PDLIM5: variants seen among roughly 807,000 people sequenced by gnomAD.
The protein encoded by PDLIM5 is PDZ and LIM domain protein 5.
In PDLIM5, 34 loss-of-function variants were observed where a neutral mutation model predicts 64.2. The observed-to-expected ratio is 0.53, with a 90% CI of 0.40 to 0.71. PDLIM5 has a LOEUF of 0.71. Among genes scored for constraint, PDLIM5 ranks in the 30% least tolerant of loss-of-function variants. PDLIM5 has a pLI of 0.00. For missense variants in PDLIM5, 683 were observed against 733.6 expected, an observed-to-expected ratio of 0.93 and a Z score of 0.80; for synonymous variants, 253 against 269.1, an observed-to-expected ratio of 0.94 and a Z score of 0.59.
chr4:94,591,383 A>G (rs1736662626), intron 7 of PDLIM5, among the ~76,000 whole-genome samples: 1 of 152,216 alleles, frequency 6.6e-6, no homozygotes, highest in Non-Finnish European at 1.5e-5. Flanking sequence ...TCTGTCCCCA[A>G]GTTTCCACTT....
intron 3 of PDLIM5, among the ~76,000 whole-genome samples, chr4:94,538,291 G>A (rs1355727689): frequency 3.3e-5 from 3 of 90,732 alleles, no homozygotes; most frequent in African/African-American, 1.5e-4. Context: ...TTAAGTTTGA[G>A]TATTGAGAAC....
chr4:94,499,069 A>G (rs1727663722), intron 2 of PDLIM5, among the ~76,000 whole-genome samples: 1 of 152,168 alleles, frequency 6.6e-6, no homozygotes, highest in Non-Finnish European at 1.5e-5. Flanking sequence ...GAGAACTTGA[A>G]CACTTTCAAA....
At chr4:94,583,870 C>T (rs1735946268) in intron 5 of PDLIM5, among the ~76,000 whole-genome samples, 1 of 152,154 alleles carries the variant, frequency 6.6e-6, no homozygotes, top group Non-Finnish European at 1.5e-5. Context: ...AAGCACTTTA[C>T]ATACATTATC....
chr4:94,583,719 A>G (rs1735930636), intron 5 of PDLIM5, among the ~76,000 whole-genome samples: 1 of 152,030 alleles, frequency 6.6e-6, no homozygotes, highest in Non-Finnish European at 1.5e-5. Flanking sequence ...ATTTTTTATG[A>G]TTTTTTGCAT....
intron 7 of PDLIM5, among the ~76,000 whole-genome samples, chr4:94,599,141 G>A (rs921464591): frequency 6.6e-6 from 1 of 152,140 alleles, no homozygotes; most frequent in Non-Finnish European, 1.5e-5. Context: ...AACATCTGAT[G>A]TATATTTTTA....
intron 7 of PDLIM5, among the ~76,000 whole-genome samples, chr4:94,602,851 T>C (rs565784848): frequency 5.9e-5 from 9 of 152,302 alleles, no homozygotes; most frequent in African/African-American, 1.7e-4. Context: ...GTACTAACTT[T>C]AGTAAATTAC....
intron 2 of PDLIM5, among the ~76,000 whole-genome samples, chr4:94,513,695 G>A (rs1428098940): frequency 1.3e-5 from 2 of 152,116 alleles, no homozygotes; most frequent in Admixed American, 6.6e-5. Context: ...TTCCTCTCCA[G>A]TTTGGAACGT....
rs1402036580 is a variant in PDLIM5 at position 94,603,477 on chromosome 4, C to T, written c.921-14527C>T. 2.6e-5 allele frequency among the ~76,000 whole-genome samples: 4 copies of T among 151,926 alleles called. No homozygotes were observed. The East Asian group carries it at 5.8e-4, about 22-fold the overall frequency. ...TGAGAAAAACTTGGGACTGTAATGC[C>T]CCCCCAACCCTCCGCAAACTGGGAA... On this transcript the variant is annotated intron_variant, in intron 7 of 12. Coordinates refer to ENST00000317968, the MANE Select transcript of PDLIM5 (RefSeq NM_006457.5).
intron 2 of PDLIM5, among the ~76,000 whole-genome samples, chr4:94,465,168 C>G (rs1224557385): frequency 1.3e-5 from 2 of 152,116 alleles, no homozygotes; most frequent in African/African-American, 4.8e-5. Flanking sequence ...ATCCCTAAAG[C>G]CCTATCTCTT....
chr4:94,665,412 C>T lies in PDLIM5; in HGVS notation c.*1345C>T, dbSNP rs761172545. 5 of 440,782 alleles carry T rather than the reference C, an allele frequency of 1.1e-5. No homozygotes were observed. The highest frequency in any genetic ancestry group is 1.2e-5 in the Non-Finnish European group (4 of 341,280). 27.3% of individuals were successfully genotyped at this position (440,782 alleles called of 1,614,324 possible). ...CAGGAAAATTCTTGAACCCAGGAGA[C>T]GGAAGTTGCAGTGAGCTGAGATCAC... On this transcript the variant is annotated 3_prime_UTR_variant, in exon 13 of 13. Coordinates refer to ENST00000317968, the MANE Select transcript of PDLIM5 (RefSeq NM_006457.5).
intron 3 of PDLIM5, among the ~76,000 whole-genome samples, chr4:94,535,188 T>C (rs1054868828): frequency 1.3e-5 from 2 of 151,984 alleles, no homozygotes; most frequent in Non-Finnish European, 2.9e-5. Context: ...CAGGAGAAAT[T>C]AGAGAAGTGA....
At chr4:94,526,858 G>C (rs1414825631) in intron 3 of PDLIM5, among the ~76,000 whole-genome samples, 1 of 147,026 alleles carries the variant, frequency 6.8e-6, no homozygotes, top group Non-Finnish European at 1.5e-5. Context: ...TCAGCCTCCC[G>C]AGTTGCTGGG....
At chr4:94,469,365 C>T (rs1357476340) in intron 2 of PDLIM5, among the ~76,000 whole-genome samples, 1 of 152,150 alleles carries the variant, frequency 6.6e-6, no homozygotes, top group Non-Finnish European at 1.5e-5. Flanking sequence ...AATACAGGCC[C>T]TCTGAGGAGG....
intron 6 of PDLIM5, 34 bp from the exon 7 acceptor site, chr4:94,586,374 A>G (rs1736199266): frequency 1.6e-6 from 2 of 1,222,262 alleles, no homozygotes; most frequent in Admixed American, 1.9e-5. Context: ...TAAACAAAAC[A>G]AACTAATATT....
At chr4:94,607,952 C>G in intron 7 of PDLIM5, 5 of 685,884 alleles carry the variant, frequency 7.3e-6, no homozygotes, top group Non-Finnish European at 8.8e-6. Flanking sequence ...ATAGTGTTCC[C>G]AAAATTGAAC....
chr4:94,519,573 G>A (rs1200329413), intron 2 of PDLIM5, among the ~76,000 whole-genome samples: 1 of 152,110 alleles, frequency 6.6e-6, no homozygotes, highest in Non-Finnish European at 1.5e-5. Context: ...ATTTAATCAC[G>A]TTGAAGCTCT....
At chr4:94,611,857 CTGATA>C (rs1738389574) in intron 7 of PDLIM5, among the ~76,000 whole-genome samples, 1 of 152,078 alleles carries the variant, frequency 6.6e-6, no homozygotes, top group South Asian at 2.1e-4. Context: ...AAGTGAAAAC[CTGATA>C]TAACTAGGCT....
chr4:94,659,483 TA>T (rs1742483465), intron 11 of PDLIM5, among the ~76,000 whole-genome samples: 2 of 126,228 alleles, frequency 1.6e-5, no homozygotes, highest in East Asian at 2.5e-4. Context: ...AGCTGTAGTA[TA>T]TATGTGTGTA....
chr4:94,483,778 G>A (rs1163614365), intron 2 of PDLIM5, among the ~76,000 whole-genome samples: 1 of 151,976 alleles, frequency 6.6e-6, no homozygotes, highest in Non-Finnish European at 1.5e-5. Flanking sequence ...TTATTACCCT[G>A]CTTTTAAAGT....
Sources: gnomAD v4.1 joint callset for allele counts (sites outside exome capture counted in the v4.1 genomes callset) on GRCh38, gnomAD v4.1.1 for gene constraint, MANE v1.5 for transcripts, NCBI Gene and HGNC (gene_info 2026-07-23, HGNC 2026-07-21) for gene names.